FTO: variants seen among roughly 807,000 people sequenced by gnomAD.
The protein encoded by FTO is alpha-ketoglutarate-dependent dioxygenase FTO.
A neutral mutation model predicts 63.9 loss-of-function variants in FTO; 47 were observed. The observed-to-expected ratio is 0.74, with a 90% CI of 0.58 to 0.94. The LOEUF is 0.94. FTO is among the 40% of genes least tolerant of loss of function. FTO has a pLI of 0.00. For missense variants in FTO, 562 were observed against 618.1 expected (o/e 0.91, Z 0.96); for synonymous variants, 207 against 224.4 (o/e 0.92, Z 0.69).
chr16:53,940,156 G>A (rs66645139), intron 8 of FTO, among the ~76,000 whole-genome samples: 44,117 of 151,750 alleles, frequency 0.29, 7,886 homozygotes, highest in East Asian at 0.73. Context: ...GTCGTTACCT[G>A]TTATTTTCAT....
intron 1 of FTO, among the ~76,000 whole-genome samples, chr16:53,714,791 C>T (rs1227956774): frequency 3.3e-5 from 5 of 152,096 alleles, no homozygotes; most frequent in African/African-American, 1.2e-4. Context: ...GAACCACAGC[C>T]AGGCAGAGGA....
At chr16:53,802,453 A>C (rs1480522906) in intron 1 of FTO, among the ~76,000 whole-genome samples, 1 of 151,948 alleles carries the variant, frequency 6.6e-6, no homozygotes, top group Non-Finnish European at 1.5e-5. Context: ...GGCCAACTGT[A>C]TTTTCTTTTG....
chr16:53,748,486 T>C (rs1406528849), intron 1 of FTO, among the ~76,000 whole-genome samples: 1 of 152,166 alleles, frequency 6.6e-6, no homozygotes, highest in East Asian at 1.9e-4. Context: ...ACAGAGTCTT[T>C]CTCTGTCACC....
chr16:53,898,387 T>C (rs934492887), intron 7 of FTO, among the ~76,000 whole-genome samples: 1 of 152,200 alleles, frequency 6.6e-6, no homozygotes, highest in African/African-American at 2.4e-5. Flanking sequence ...TGGAGAGAGT[T>C]GCTCTGACCA....
At chr16:54,026,846 T>C (rs1467902440) in intron 8 of FTO, among the ~76,000 whole-genome samples, 1 of 152,248 alleles carries the variant, frequency 6.6e-6, no homozygotes, top group African/African-American at 2.4e-5. Context: ...GGAGTAGGAA[T>C]TGAAGGAAAA....
intron 8 of FTO, among the ~76,000 whole-genome samples, chr16:54,053,379 C>A (rs1286911523): frequency 6.6e-6 from 1 of 152,180 alleles, no homozygotes; most frequent in African/African-American, 2.4e-5. Flanking sequence ...GGGACCAGTT[C>A]TTCCCCCTCC....
chr16:53,960,235 C>T (rs2083039479), intron 8 of FTO, among the ~76,000 whole-genome samples: 1 of 152,138 alleles, frequency 6.6e-6, no homozygotes, highest in African/African-American at 2.4e-5. Context: ...AACCCTGTGA[C>T]AGTGAATCAC....
At chr16:53,707,805 G>A (rs935380962) in intron 1 of FTO, among the ~76,000 whole-genome samples, 2 of 152,208 alleles carry the variant, frequency 1.3e-5, no homozygotes, top group Non-Finnish European at 2.9e-5. Context: ...GCAGAGTCGT[G>A]TAACTGTCAC....
intron 5 of FTO, among the ~76,000 whole-genome samples, chr16:53,878,428 TG>T (rs34138978): frequency 1.2e-4 from 19 of 152,184 alleles, no homozygotes; most frequent in Non-Finnish European, 2.5e-4. Context: ...CCCAGCACTC[TG>T]GGATCTTCAT....
chr16:53,873,083 G>C (rs1598878465), intron 4 of FTO, among the ~76,000 whole-genome samples: 1 of 152,168 alleles, frequency 6.6e-6, no homozygotes, highest in Non-Finnish European at 1.5e-5. Flanking sequence ...GCAACATGCT[G>C]AGTTGGTTGG....
intron 8 of FTO, among the ~76,000 whole-genome samples, chr16:53,961,779 C>T (rs1417511493): frequency 6.6e-6 from 1 of 152,198 alleles, no homozygotes; most frequent in African/African-American, 2.4e-5. Flanking sequence ...CCAACATTGA[C>T]AGTGATTTGC....
At chr16:53,777,250 G>A (rs968893577) in intron 1 of FTO, among the ~76,000 whole-genome samples, 1 of 152,004 alleles carries the variant, frequency 6.6e-6, no homozygotes, top group Non-Finnish European at 1.5e-5. Context: ...TTACTGTTCT[G>A]CTCTCTACTT....
intron 7 of FTO, among the ~76,000 whole-genome samples, chr16:53,891,904 G>A (rs1212837252): frequency 6.6e-6 from 1 of 152,150 alleles, no homozygotes; most frequent in Non-Finnish European, 1.5e-5. Context: ...AGAAGTTGGC[G>A]TGTCATTTCT....
intron 1 of FTO, among the ~76,000 whole-genome samples, chr16:53,730,761 T>G (rs1199217533): frequency 6.6e-6 from 1 of 152,198 alleles, no homozygotes; most frequent in Non-Finnish European, 1.5e-5. Flanking sequence ...CCTCCCAAAG[T>G]GCTTGGATTA....
chr16:53,835,608 T>A (rs2079267278), intron 3 of FTO, among the ~76,000 whole-genome samples: 1 of 152,146 alleles, frequency 6.6e-6, no homozygotes, highest in South Asian at 2.1e-4. Context: ...TTGTTGGATC[T>A]TTTTTTGAAT....
At chr16:53,894,417 T>G (rs2081226966) in intron 7 of FTO, among the ~76,000 whole-genome samples, 1 of 152,220 alleles carries the variant, frequency 6.6e-6, no homozygotes, top group Admixed American at 6.5e-5. Flanking sequence ...TTAGATTAAA[T>G]TCTTTAAAAC....
chr16:53,772,448 C>T (rs192857407), intron 1 of FTO, among the ~76,000 whole-genome samples: 3 of 152,190 alleles, frequency 2.0e-5, no homozygotes, highest in African/African-American at 2.4e-5. Context: ...GGCCTGCTGG[C>T]GTTCTCTGTT....
chr16:54,041,310 C>T (rs1400003688), intron 8 of FTO, among the ~76,000 whole-genome samples: 2 of 152,074 alleles, frequency 1.3e-5, no homozygotes, highest in Non-Finnish European at 2.9e-5. Flanking sequence ...CATCAGATCT[C>T]GTGAGAACTC....
rs1280161116 is a variant in FTO at position 53,838,098 on chromosome 16, C to T, written c.752-6057C>T. ...TCCCCTTTTGCCTTCTGTCTCCTTTCGTTCTACAAAATGGATTTCCCATCC... is the reference window on the plus strand; with the variant it reads ...TCCCCTTTTGCCTTCTGTCTCCTTTTGTTCTACAAAATGGATTTCCCATCC... On this transcript the variant is annotated intron_variant, in intron 3 of 8. Coordinates refer to ENST00000471389, the MANE Select transcript of FTO (RefSeq NM_001080432.3). Among the ~76,000 whole-genome samples the T allele has an allele frequency of 3.9e-5, 6 of 152,186 alleles. No homozygotes were observed. The East Asian group carries it at 5.8e-4, about 15-fold the overall frequency.
Sources: gnomAD v4.1 joint callset for allele counts (sites outside exome capture counted in the v4.1 genomes callset) on GRCh38, gnomAD v4.1.1 for gene constraint, MANE v1.5 for transcripts, NCBI Gene and HGNC (gene_info 2026-07-23, HGNC 2026-07-21) for gene names.